CA5B: variants seen among roughly 807,000 people sequenced by gnomAD.
The protein encoded by CA5B is carbonic anhydrase 5B.
CA5B carries 15 observed loss-of-function variants against 23.1 expected under a neutral mutation model. That is an observed-to-expected ratio of 0.65 (90% CI 0.43 to 1.00). CA5B has a LOEUF of 1.00. CA5B is among the 50% of genes least tolerant of loss of function. The pLI, the probability that CA5B is intolerant of heterozygous loss-of-function variation, is 0.00. For synonymous variants in CA5B, 84 were observed against 98.5 expected (o/e 0.85, Z 0.87); for missense variants, 236 against 252.2 (o/e 0.94, Z 0.43).
chrX:15,772,378 T>A (rs1931836745), intron 3 of CA5B, 118 bp from the exon 4 acceptor site: 2 of 456,675 alleles, frequency 4.4e-6, no homozygotes, highest in East Asian at 7.1e-5. Flanking sequence ...TGTATATAAT[T>A]CAGTGTAATC....
At chrX:15,762,970 AG>A (rs1347128001) in intron 2 of CA5B, 1 of 323,545 alleles carries the variant, frequency 3.1e-6, no homozygotes, top group Non-Finnish European at 6.2e-6. Context: ...TGACTCTGGA[AG>A]AAAATCAGCA....
Position 15,782,549 on chromosome X carries a change from A to G in CA5B, c.839A>G (p.Asn280Ser), listed in dbSNP as rs767259868. ...EGEKEKRMVD[N>S]FRPLQPLMNR... is the part of the protein sequence containing the mutation. ...GAGAAAGAGAAAAGAATGGTGGACA[A>G]CTTCCGCCCCCTTCAGCCACTGATG... Residue 280 changes from asparagine to serine, a missense_variant, in exon 8 of 8, where the codon AAC becomes AGC. Transcript: ENST00000318636. 2.5e-6 allele frequency: 3 copies of G among 1,208,626 alleles called. No homozygotes were observed. The East Asian group carries it at 8.9e-5, about 36-fold the overall frequency.
chrX:15,752,642 G>A (rs192709062), intron 2 of CA5B, among the ~76,000 whole-genome samples: 3,559 of 110,179 alleles, frequency 0.032, 144 homozygotes, highest in African/African-American at 0.11. Context: ...TGAGAATGGC[G>A]TGAACCCGGG....
chrX:15,752,028 C>G (rs1246096740), intron 2 of CA5B, among the ~76,000 whole-genome samples: 12 of 111,565 alleles, frequency 1.1e-4, no homozygotes, highest in Non-Finnish European at 2.3e-4. Context: ...CATTCTGAGC[C>G]AAATATGAGT....
chrX:15,776,134 C>G (rs911699285), intron 6 of CA5B: 1 of 348,136 alleles, frequency 2.9e-6, no homozygotes, highest in Non-Finnish European at 3.7e-6. Context: ...GTCAGGAGAT[C>G]GAGACTGTCC....
At chrX:15,771,809 A>C (rs749152403) in intron 3 of CA5B, among the ~76,000 whole-genome samples, 158 of 110,495 alleles carry the variant, frequency 1.4e-3, no homozygotes, top group African/African-American at 5.0e-3. Flanking sequence ...ATATGTATGC[A>C]TTGTGGAATG....
At chrX:15,761,941 T>TAAAAC (rs774028553) in intron 2 of CA5B, among the ~76,000 whole-genome samples, 156 of 111,992 alleles carry the variant, frequency 1.4e-3, no homozygotes, top group African/African-American at 4.7e-3. Context: ...TTTTTATAAA[T>TAAAAC]AAAACAAAAC....
In CA5B at chrX:15,787,540, C is replaced by A. The variant is rs1195328081; in HGVS notation, c.*4876C>A. 1.8e-5 allele frequency: 2 copies of A among 112,307 alleles called. No homozygotes were observed. Among genetic ancestry groups the A allele is most frequent in the Admixed American group, 9.4e-5 (1 of 10,601 alleles). 9.3% of individuals were successfully genotyped at this position (112,307 alleles called of 1,213,427 possible). On this transcript the variant is annotated 3_prime_UTR_variant, in exon 8 of 8. Coordinates refer to ENST00000318636, the MANE Select transcript of CA5B (RefSeq NM_007220.4). The stretch of plus-strand genomic sequence containing the variant: ...GTGGAATTGGCTTTTAGAGTTACTT[C>A]CTGTAATGAAATTAACAAGCAATTC...
At chrX:15,752,452 G>T (rs909664187) in intron 2 of CA5B, among the ~76,000 whole-genome samples, 2 of 112,173 alleles carry the variant, frequency 1.8e-5, no homozygotes, top group Non-Finnish European at 3.8e-5. Flanking sequence ...TGGGCCAGGC[G>T]CGATGGCTTA....
chrX:15,785,895 CAG>C lies in CA5B; in HGVS notation c.*3234_*3235del, dbSNP rs1054770005. On this transcript the variant is annotated 3_prime_UTR_variant, in exon 8 of 8. Coordinates refer to ENST00000318636, the MANE Select transcript of CA5B (RefSeq NM_007220.4). ...TTTTATTTTTTTTATTTTTTTGAGA[CAG>C]AGTCGCGCTGTCACCCGGGCTGGAG... 4 of 110,179 alleles carry C rather than the reference CAG, an allele frequency of 3.6e-5. No homozygotes were observed. Among genetic ancestry groups the C allele is most frequent in the Non-Finnish European group, 5.7e-5 (3 of 52,749 alleles). The allele number at this position is 110,179 out of a possible 1,213,427, so 9.1% of individuals were successfully genotyped here. A position where few individuals can be genotyped will look rare whatever the true frequency, so the allele number is the denominator to read the frequency against.
chrX:15,746,753 T>C (rs1931242571), intron 1 of CA5B, among the ~76,000 whole-genome samples: 1 of 110,586 alleles, frequency 9.0e-6, no homozygotes, highest in Non-Finnish European at 1.9e-5. Context: ...GATGGAATCA[T>C]AGGGGGTTGA....
rs1015165852 is a variant in CA5B, at chrX:15,782,790, A to T, written c.*126A>T. The T allele has an allele frequency of 3.9e-6, 2 of 509,267 alleles. No individual in the cohort carries two copies. Among genetic ancestry groups the T allele is most frequent in the Non-Finnish European group, 6.2e-6 (2 of 321,294 alleles). 42.0% of individuals were successfully genotyped at this position (509,267 alleles called of 1,213,427 possible). A position where few individuals can be genotyped will look rare whatever the true frequency, so the allele number is the denominator to read the frequency against. On this transcript the variant is annotated 3_prime_UTR_variant, in exon 8 of 8. Coordinates refer to ENST00000318636, the MANE Select transcript of CA5B (RefSeq NM_007220.4). Reference sequence around the variant, plus strand: ...TTACAGATGTGCATTTCTTAGCATGAGAGTGCTTCATCAGTCTTTGAGGAA... The same window carrying T: ...TTACAGATGTGCATTTCTTAGCATGTGAGTGCTTCATCAGTCTTTGAGGAA...
intron 2 of CA5B, among the ~76,000 whole-genome samples, chrX:15,757,535 A>G (rs1400141094): frequency 2.8e-5 from 3 of 109,047 alleles, no homozygotes; most frequent in Non-Finnish European, 5.7e-5. Flanking sequence ...AAGCAACAAC[A>G]ACAACAACAA....
At position 15,767,572 on chromosome X, in the gene CA5B, T is replaced by TTTTG. The variant is rs764057673; in HGVS notation, c.340+2813_340+2816dup. On this transcript the variant is annotated intron_variant, in intron 3 of 7. Transcript: ENST00000318636. ...ATGTGCCACCACGCTCGGCTAATTTTTTTGTTTGTTTGTTTGTTTTTGTTT... is the reference window on the plus strand; with the variant it reads ...ATGTGCCACCACGCTCGGCTAATTTTTTTGTTTGTTTGTTTGTTTGTTTTTGTTT... 3.6e-5 allele frequency among the ~76,000 whole-genome samples: 4 copies of TTTTG among 109,591 alleles called. No homozygotes were observed. The East Asian group carries it at 8.6e-4, about 24-fold the overall frequency.
chrX:15,780,298 G>C (rs1263803962), intron 7 of CA5B, among the ~76,000 whole-genome samples: 1 of 104,840 alleles, frequency 9.5e-6, no homozygotes, highest in African/African-American at 3.5e-5. Context: ...TTTTTAAGAC[G>C]GTCTCTAGCT....
rs201413310 is a variant in CA5B at position 15,774,726 on chromosome X, C to T, written c.555+329C>T. On this transcript the variant is annotated intron_variant, in intron 5 of 7. Coordinates refer to ENST00000318636, the MANE Select transcript of CA5B (RefSeq NM_007220.4). ...GTGCGCACCTGTAATCCTAGCTACTCGGGAGGCTGAGGCAGGAGGATCGCT... is the reference window on the plus strand; with the variant it reads ...GTGCGCACCTGTAATCCTAGCTACTTGGGAGGCTGAGGCAGGAGGATCGCT... Among the ~76,000 whole-genome samples, 5 of 111,296 alleles carry T rather than the reference C, an allele frequency of 4.5e-5. No homozygotes were observed. The East Asian group carries it at 8.4e-4, about 19-fold the overall frequency.
intron 1 of CA5B, among the ~76,000 whole-genome samples, chrX:15,746,634 A>T (rs962073300): frequency 5.4e-5 from 6 of 111,462 alleles, no homozygotes; most frequent in African/African-American, 1.3e-4. Context: ...GTGGGAGACC[A>T]GAGTTTTATT....
chrX:15,780,835 G>T (rs758293053), intron 7 of CA5B, among the ~76,000 whole-genome samples: 2 of 112,021 alleles, frequency 1.8e-5, no homozygotes, highest in Non-Finnish European at 3.8e-5. Flanking sequence ...AGCTCTATTT[G>T]CCCTGAAGTC....
intron 2 of CA5B, among the ~76,000 whole-genome samples, chrX:15,756,158 G>A (rs907350238): frequency 1.8e-5 from 2 of 112,045 alleles, no homozygotes; most frequent in African/African-American, 3.2e-5. Flanking sequence ...TGAAAGCCTA[G>A]TAGAATTTTA....
Sources: gnomAD v4.1 joint callset for allele counts (sites outside exome capture counted in the v4.1 genomes callset) on GRCh38, gnomAD v4.1.1 for gene constraint, MANE v1.5 for transcripts, NCBI Gene and HGNC (gene_info 2026-07-23, HGNC 2026-07-21) for gene names.